The following PTER variants were observed in gnomAD, a reference collection of about 807,000 sequenced individuals.
The protein encoded by PTER is phosphotriesterase related.
A neutral mutation model predicts 29.6 loss-of-function variants in PTER; 38 were observed. That is an observed-to-expected ratio of 1.28 (90% CI 0.99 to 1.68). PTER has a LOEUF of 1.68. Ranked by LOEUF, PTER falls within the 40% of genes most tolerant of loss-of-function variation. PTER has a pLI of 0.00. For synonymous variants in PTER, 172 were observed against 154.5 expected, an observed-to-expected ratio of 1.11 and a Z score of -0.84; for missense variants, 482 against 427.8, an observed-to-expected ratio of 1.13 and a Z score of -1.12.
intron 3 of PTER, among the ~76,000 whole-genome samples, chr10:16,491,536 A>G (rs907004322): frequency 2.0e-5 from 3 of 152,156 alleles, no homozygotes; most frequent in Non-Finnish European, 4.4e-5. Context: ...CATGTATTTC[A>G]TGCAACGAAA....
chr10:16,518,115 G>C (rs144376383), downstream of PTER, among the ~76,000 whole-genome samples: 1 of 152,168 alleles, frequency 6.6e-6, no homozygotes, highest in Non-Finnish European at 1.5e-5. Context: ...GAGGGAACCT[G>C]CCATTCTAAG....
chr10:16,457,119 A>G (rs1834430686), intron 1 of PTER, among the ~76,000 whole-genome samples: 2 of 152,170 alleles, frequency 1.3e-5, no homozygotes, highest in South Asian at 2.1e-4. Context: ...AGTGAATACA[A>G]AGGCTTCAGC....
At chr10:16,494,731 C>G (rs1444781337) in intron 3 of PTER, among the ~76,000 whole-genome samples, 1 of 152,134 alleles carries the variant, frequency 6.6e-6, no homozygotes, top group Non-Finnish European at 1.5e-5. Flanking sequence ...AATATTTAGA[C>G]CACACATTAA....
chr10:16,469,901 GTT>G (rs60896166), intron 1 of PTER, among the ~76,000 whole-genome samples: 3,937 of 147,846 alleles, frequency 0.027, 166 homozygotes, highest in African/African-American at 0.091. Context: ...TTGTTTTTTT[GTT>G]TTTTTTTTTA....
intron 1 of PTER, among the ~76,000 whole-genome samples, chr10:16,448,106 C>T (rs1351386914): frequency 6.6e-6 from 1 of 152,194 alleles, no homozygotes; most frequent in Non-Finnish European, 1.5e-5. Context: ...AGCCCAGTAA[C>T]TGGCCAAGAG....
intron 1 of PTER, among the ~76,000 whole-genome samples, chr10:16,442,985 A>G (rs1261859930): frequency 6.6e-6 from 1 of 152,158 alleles, no homozygotes; most frequent in Non-Finnish European, 1.5e-5. Flanking sequence ...AACAATAAAA[A>G]TAAGATGAAA....
chr10:16,439,317 C>A (rs1162793203), intron 1 of PTER, among the ~76,000 whole-genome samples: 1 of 152,072 alleles, frequency 6.6e-6, no homozygotes, highest in African/African-American at 2.4e-5. Flanking sequence ...ACAGAAAATA[C>A]CTTCAATATG....
chr10:16,470,098 T>C (rs998371358), intron 1 of PTER, among the ~76,000 whole-genome samples: 8 of 152,166 alleles, frequency 5.3e-5, no homozygotes, highest in African/African-American at 1.7e-4. Context: ...GTGCTGTTCA[T>C]AGTCAATATT....
chr10:16,469,974 C>T (rs1048425422), intron 1 of PTER, among the ~76,000 whole-genome samples: 1 of 151,836 alleles, frequency 6.6e-6, no homozygotes, highest in African/African-American at 2.4e-5. Context: ...ATAGAAATGT[C>T]ATGTAAATTA....
intron 3 of PTER, among the ~76,000 whole-genome samples, chr10:16,492,931 G>A (rs536585210): frequency 2.0e-5 from 3 of 152,264 alleles, no homozygotes; most frequent in East Asian, 1.9e-4. Flanking sequence ...CTGATCATTC[G>A]TGCCAAATTG....
rs111732154 is a variant in PTER at position 16,477,298 on chromosome 10, A to G, written c.-48-7039A>G. Among the ~76,000 whole-genome samples, 175 of 138,748 alleles carry G rather than the reference A, an allele frequency of 1.3e-3. 1 individual carries two copies. The highest frequency in any genetic ancestry group is 2.0e-3 in the African/African-American group (65 of 32,544). The allele number at this position is 138,748 out of a possible 152,430, so 91.0% of individuals were successfully genotyped here. ...TAGATAGATAGATAGATAGATAGAT[A>G]GATGGATGTCTGTCTGTCTGCACAT... On this transcript the variant is annotated intron_variant, in intron 1 of 4. Coordinates refer to ENST00000535784, the MANE Select transcript of PTER (RefSeq NM_001261836.2).
chr10:16,507,868 G>A (rs60661480), intron 4 of PTER, among the ~76,000 whole-genome samples: 9,608 of 152,054 alleles, frequency 0.063, 598 homozygotes, highest in East Asian at 0.16. Flanking sequence ...CCAGGAACCC[G>A]ATTCAATACA....
intron 3 of PTER, among the ~76,000 whole-genome samples, chr10:16,499,772 A>C (rs11254031): frequency 2.6e-5 from 4 of 151,190 alleles, no homozygotes; most frequent in Non-Finnish European, 5.9e-5. Flanking sequence ...CCTTCACGTT[A>C]ATGTTTAGTT....
At chr10:16,445,641 G>A (rs1340104185) in intron 1 of PTER, among the ~76,000 whole-genome samples, 1 of 152,124 alleles carries the variant, frequency 6.6e-6, no homozygotes, top group Admixed American at 6.6e-5. Context: ...GAGCCTATTA[G>A]CCATGGCACA....
Position 16,511,180 on chromosome 10 carries a change from T to G in PTER, c.974T>G (p.Leu325Trp), listed in dbSNP as rs1418627196. 1 of 1,614,064 alleles carries G rather than the reference T, an allele frequency of 6.2e-7. No individual in the cohort carries two copies. Among genetic ancestry groups the G allele is most frequent in the African/African-American group, 1.3e-5 (1 of 74,944 alleles). ...CTCACCAATGTTGTTCCTAAAATGT[T>G]GCTGAGAGGCATAACTGAGAATGTG... ...HILTNVVPKM[L>W]LRGITENVLD... The change falls in exon 5 of 5, where the codon TTG (leucine) becomes TGG (tryptophan). Residue 325 changes from leucine (L) to tryptophan (W), a missense_variant. Physicochemically the swap from Leu to Trp is moderately conservative, Grantham distance 61. Transcript: ENST00000535784.
intron 1 of PTER, among the ~76,000 whole-genome samples, chr10:16,471,352 G>A (rs1401590155): frequency 6.6e-6 from 1 of 152,110 alleles, no homozygotes; most frequent in East Asian, 1.9e-4. Flanking sequence ...ATTACAATAA[G>A]CATCTGATGG....
At chr10:16,466,563 C>A (rs1318514481) in intron 1 of PTER, among the ~76,000 whole-genome samples, 3 of 152,182 alleles carry the variant, frequency 2.0e-5, no homozygotes, top group African/African-American at 7.2e-5. Flanking sequence ...GCCATGTTGG[C>A]CAGGCTGGTC....
At chr10:16,444,551 G>C (rs1216771642) in intron 1 of PTER, among the ~76,000 whole-genome samples, 1 of 151,826 alleles carries the variant, frequency 6.6e-6, no homozygotes, top group African/African-American at 2.4e-5. Context: ...GGATGCACCT[G>C]GTTAATTTAA....
chr10:16,449,428 C>CTTTTTCTT (rs1834126486), intron 1 of PTER, among the ~76,000 whole-genome samples: 1 of 101,864 alleles, frequency 9.8e-6, no homozygotes, highest in Admixed American at 1.3e-4. Flanking sequence ...CAATAATTTT[C>CTTTTTCTT]TTTTTTTTTT....
Sources: gnomAD v4.1 joint callset for allele counts (sites outside exome capture counted in the v4.1 genomes callset) on GRCh38, gnomAD v4.1.1 for gene constraint, MANE v1.5 for transcripts, NCBI Gene and HGNC (gene_info 2026-07-23, HGNC 2026-07-21) for gene names.